HIPK2: variants seen among roughly 807,000 people sequenced by gnomAD.
The protein encoded by HIPK2 is homeodomain interacting protein kinase 2.
HIPK2 carries 27 observed loss-of-function variants against 113.7 expected under a neutral mutation model. The observed-to-expected ratio is 0.24, with a 90% confidence interval of 0.17 to 0.33. The LOEUF (loss-of-function observed/expected upper bound fraction) is 0.33, where lower values mean the gene tolerates loss of function less well. Ranked by LOEUF, HIPK2 falls within the 10% of genes least tolerant of loss-of-function variation. The probability of loss-of-function intolerance (pLI) is 1.00; values close to 1 mark genes in which losing one functional copy is unlikely to be tolerated. For missense variants in HIPK2, 1,257 were observed against 1,588.0 expected, an observed-to-expected ratio of 0.79 and a Z score of 3.54; for synonymous variants, 631 against 642.2, an observed-to-expected ratio of 0.98 and a Z score of 0.26.
intron 1 of HIPK2, among the ~76,000 whole-genome samples, chr7:139,774,372 A>G (rs1796704051): frequency 6.6e-6 from 1 of 152,190 alleles, no homozygotes; most frequent in South Asian, 2.1e-4. Context: ...ATCATAGCAC[A>G]TTGTCTGAAA....
chr7:139,608,695 G>GTT (rs1336346141), intron 9 of HIPK2, among the ~76,000 whole-genome samples: 1 of 152,062 alleles, frequency 6.6e-6, no homozygotes, highest in Non-Finnish European at 1.5e-5. Flanking sequence ...GGCATTGGTG[G>GTT]TAACTGCATA....
intron 1 of HIPK2, among the ~76,000 whole-genome samples, chr7:139,773,213 C>T (rs1796682622): frequency 6.6e-6 from 1 of 152,186 alleles, no homozygotes; most frequent in Non-Finnish European, 1.5e-5. Context: ...CGGTGCACAG[C>T]ACAAAGTCAA....
chr7:139,759,359 T>C (rs1796426713), intron 1 of HIPK2, among the ~76,000 whole-genome samples: 2 of 152,236 alleles, frequency 1.3e-5, no homozygotes, highest in African/African-American at 4.8e-5. Context: ...GTATAAACCC[T>C]ACAGGAAGAA....
At chr7:139,602,898 T>C (rs1799485743) in intron 10 of HIPK2, among the ~76,000 whole-genome samples, 1 of 152,166 alleles carries the variant, frequency 6.6e-6, no homozygotes, top group Non-Finnish European at 1.5e-5. Context: ...CTGAGGTGCA[T>C]AAAGGTTAAC....
intron 9 of HIPK2, 81 bp from the exon 10 acceptor site, chr7:139,604,304 C>T: frequency 6.5e-7 from 1 of 1,531,804 alleles, no homozygotes; most frequent in Non-Finnish European, 8.8e-7. Context: ...TATTCTGTGC[C>T]TGGGGTTGTG....
Position 139,724,784 on chromosome 7 carries a change from T to G in HIPK2, c.20-7769A>C, listed in dbSNP as rs549763368. Among the ~76,000 whole-genome samples, 14 of 150,740 alleles carry G rather than the reference T, an allele frequency of 9.3e-5. No homozygotes were observed. In the South Asian group the frequency reaches 2.5e-3, roughly 27 times the overall value. On this transcript the variant is annotated intron_variant, in intron 1 of 14. Coordinates refer to ENST00000406875, the MANE Select transcript of HIPK2 (RefSeq NM_022740.5). Reference sequence around the variant, plus strand: ...TCTATGAGTGAGAACATGCGGTGTTTGGTTTTTTGTCCTTGCGATAGTCTA... The same window carrying G: ...TCTATGAGTGAGAACATGCGGTGTTGGGTTTTTTGTCCTTGCGATAGTCTA...
chr7:139,574,913 G>C (rs1235845962), intron 14 of HIPK2, among the ~76,000 whole-genome samples: 1 of 152,212 alleles, frequency 6.6e-6, no homozygotes, highest in African/African-American at 2.4e-5. Flanking sequence ...CTTTGCTTTG[G>C]GCCAGCACTC....
Position 139,572,854 on chromosome 7 carries a change from C to G in HIPK2, c.*73G>C. ...AGGCCAGCGCCCACGGTCCCAGGAGCGCCTCCCTCCTTCTCTCCCTCCTCC... is the reference window on the plus strand; with the variant it reads ...AGGCCAGCGCCCACGGTCCCAGGAGGGCCTCCCTCCTTCTCTCCCTCCTCC... On this transcript the variant is annotated 3_prime_UTR_variant, in exon 15 of 15. Transcript: ENST00000406875. The G allele has an allele frequency of 7.6e-7, 1 of 1,319,588 alleles. No homozygotes were observed. Among genetic ancestry groups the G allele is most frequent in the Non-Finnish European group, 1.0e-6 (1 of 995,490 alleles). 81.7% of individuals were successfully genotyped at this position (1,319,588 alleles called of 1,614,324 possible).
chr7:139,681,142 TG>T (rs1328057766), intron 2 of HIPK2, among the ~76,000 whole-genome samples: 1 of 152,258 alleles, frequency 6.6e-6, no homozygotes, highest in Admixed American at 6.5e-5. Context: ...AGCTCTCTGA[TG>T]GAGCCTACAA....
At chr7:139,605,697 T>G (rs1161363213) in intron 9 of HIPK2, among the ~76,000 whole-genome samples, 1 of 152,200 alleles carries the variant, frequency 6.6e-6, no homozygotes, top group Admixed American at 6.5e-5. Context: ...CTTAGATGTT[T>G]TTGATACTGT....
chr7:139,723,708 T>C (rs1795486275), intron 1 of HIPK2, among the ~76,000 whole-genome samples: 1 of 152,068 alleles, frequency 6.6e-6, no homozygotes, highest in Non-Finnish European at 1.5e-5. Context: ...TGAGTGAGGG[T>C]TCAACTACAA....
intron 2 of HIPK2, among the ~76,000 whole-genome samples, chr7:139,637,233 AG>A (rs1800843416): frequency 1.3e-5 from 2 of 152,126 alleles, no homozygotes; most frequent in Admixed American, 1.3e-4. Flanking sequence ...TGGCAGCCAC[AG>A]GGAACAGATG....
chr7:139,588,374 G>A (rs1485374123), intron 12 of HIPK2, among the ~76,000 whole-genome samples: 1 of 151,416 alleles, frequency 6.6e-6, no homozygotes, highest in Admixed American at 6.6e-5. Flanking sequence ...AAACAATCCT[G>A]GGTGTGGTGG....
At chr7:139,632,186 C>G (rs576191382) in intron 2 of HIPK2, among the ~76,000 whole-genome samples, 1 of 152,174 alleles carries the variant, frequency 6.6e-6, no homozygotes, top group East Asian at 1.9e-4. Flanking sequence ...GTTGCCTAGG[C>G]TGGAGTGCAG....
intron 13 of HIPK2, among the ~76,000 whole-genome samples, chr7:139,578,353 C>T (rs1438857828): frequency 6.6e-6 from 1 of 152,126 alleles, no homozygotes; most frequent in Non-Finnish European, 1.5e-5. Context: ...ACCATGTTAG[C>T]CAGGCTGGTC....
Position 139,591,280 on chromosome 7 carries a change from C to T in HIPK2, c.2717+5437G>A, listed in dbSNP as rs184056471. On this transcript the variant is annotated intron_variant, in intron 12 of 14. Coordinates refer to ENST00000406875, the MANE Select transcript of HIPK2 (RefSeq NM_022740.5). Reference sequence around the variant, plus strand: ...TTTCTAGAGAAATCAGAAACAGGGTCGCAGAAGTAGCCATGAGTAGTCACC... The same window carrying T: ...TTTCTAGAGAAATCAGAAACAGGGTTGCAGAAGTAGCCATGAGTAGTCACC... 3.9e-4 allele frequency among the ~76,000 whole-genome samples: 60 copies of T among 152,296 alleles called. No homozygotes were observed. In the East Asian group the frequency reaches 8.9e-3, roughly 23 times the overall value.
chr7:139,641,597 C>T (rs761465881), intron 2 of HIPK2, among the ~76,000 whole-genome samples: 3 of 152,144 alleles, frequency 2.0e-5, no homozygotes, highest in Non-Finnish European at 4.4e-5. Flanking sequence ...CCAGGGAGCA[C>T]AGCCCGGGGA....
chr7:139,652,781 G>C (rs1801509926), intron 2 of HIPK2, among the ~76,000 whole-genome samples: 1 of 152,180 alleles, frequency 6.6e-6, no homozygotes, highest in Non-Finnish European at 1.5e-5. Flanking sequence ...TCAGAGTTGA[G>C]AGAAGGGAGA....
chr7:139,699,352 A>C (rs919668680), intron 2 of HIPK2, among the ~76,000 whole-genome samples: 2 of 152,082 alleles, frequency 1.3e-5, no homozygotes, highest in Non-Finnish European at 2.9e-5. Flanking sequence ...GGCGAAATGG[A>C]AAGTATTTAA....
Sources: gnomAD v4.1 joint callset for allele counts (sites outside exome capture counted in the v4.1 genomes callset) on GRCh38, gnomAD v4.1.1 for gene constraint, MANE v1.5 for transcripts, NCBI Gene and HGNC (gene_info 2026-07-23, HGNC 2026-07-21) for gene names.